The following TTC39C variants were observed in gnomAD, a reference collection of about 807,000 sequenced individuals.
TTC39C encodes tetratricopeptide repeat domain 39C.
In TTC39C, 33 loss-of-function variants were observed where a neutral mutation model predicts 76.3. That is an observed-to-expected ratio of 0.43 (90% CI 0.33 to 0.58). The LOEUF (loss-of-function observed/expected upper bound fraction) is 0.58, where lower values mean the gene tolerates loss of function less well. Among genes scored for constraint, TTC39C ranks in the 20% least tolerant of loss-of-function variants. TTC39C has a pLI of 0.04. For missense variants in TTC39C, 595 were observed against 701.4 expected, an observed-to-expected ratio of 0.85 and a Z score of 1.71; for synonymous variants, 254 against 260.6, an observed-to-expected ratio of 0.97 and a Z score of 0.24.
At chr18:24,105,451 A>C (rs1415185030) in intron 6 of TTC39C, among the ~76,000 whole-genome samples, 2 of 152,214 alleles carry the variant, frequency 1.3e-5, no homozygotes, top group Non-Finnish European at 2.9e-5. Context: ...GAGGGAAATA[A>C]ATGTATTATA....
Position 24,101,900 on chromosome 18 carries a change from C to G in TTC39C, c.985-12654C>G, listed in dbSNP as rs375834560. 2.6e-5 allele frequency among the ~76,000 whole-genome samples: 4 copies of G among 152,330 alleles called. No homozygotes were observed. The South Asian group carries it at 8.3e-4, about 32-fold the overall frequency. ...CATAAGCACATTTCTTTTAAACTTA[C>G]TGCTGTGTTTCACATACATTTTCCC... is the stretch of plus-strand genomic sequence containing the variant. On this transcript the variant is annotated intron_variant, in intron 6 of 13. Transcript: ENST00000317571.
intron 1 of TTC39C, among the ~76,000 whole-genome samples, chr18:24,007,440 G>A (rs1184862276): frequency 6.6e-6 from 1 of 152,218 alleles, no homozygotes; most frequent in Non-Finnish European, 1.5e-5. Context: ...CTGGAGTGCA[G>A]TGGCATGATC....
chr18:24,056,765 G>A (rs2084021487), intron 1 of TTC39C, among the ~76,000 whole-genome samples: 1 of 151,852 alleles, frequency 6.6e-6, no homozygotes, highest in Non-Finnish European at 1.5e-5. Flanking sequence ...TTTTAAAAAA[G>A]CAAATGCAGT....
At position 24,055,718 on chromosome 18, in the gene TTC39C, T is replaced by A. The variant is rs117580551; in HGVS notation, c.168-8422T>A. ...TTTTCACTCTGCTGATTATGTTCTG[T>A]GAGGCACAGAAGTTTTAAATTTTGA... On this transcript the variant is annotated intron_variant, in intron 1 of 13. Coordinates refer to ENST00000317571, the MANE Select transcript of TTC39C (RefSeq NM_001135993.2). Among the ~76,000 whole-genome samples, 751 of 152,310 alleles carry A rather than the reference T, an allele frequency of 4.9e-3. 4 individuals are homozygous for A. Among genetic ancestry groups the A allele is most frequent in the Non-Finnish European group, 7.4e-3 (504 of 68,028 alleles).
At chr18:23,995,719 AG>A (rs769558448) in intron 1 of TTC39C, among the ~76,000 whole-genome samples, 18 of 151,858 alleles carry the variant, frequency 1.2e-4, no homozygotes, top group South Asian at 6.2e-4. Context: ...AAAAAAAAAA[AG>A]TTAGCCGGGC....
intron 6 of TTC39C, among the ~76,000 whole-genome samples, chr18:24,107,307 A>ACG (rs1187070332): frequency 3.3e-5 from 5 of 151,660 alleles, no homozygotes; most frequent in East Asian, 2.0e-4. Context: ...ACACACACAC[A>ACG]CACGCACGCA....
At chr18:24,103,982 A>G (rs917242513) in intron 6 of TTC39C, among the ~76,000 whole-genome samples, 5 of 149,126 alleles carry the variant, frequency 3.4e-5, no homozygotes, top group African/African-American at 1.0e-4. Flanking sequence ...CCCAGGCTGG[A>G]GTGCAGTGGT....
rs762280517 is a variant in TTC39C, at chr18:24,132,550, T to C, written c.1728T>C (p.Ser576=). 1.2e-6 allele frequency: 2 copies of C among 1,613,950 alleles called. No homozygotes were observed. ...LHVRIHAALA[S]LRELVPQ Reference sequence around the variant, plus strand: ...TCCGCATCCATGCTGCTCTGGCCTCTCTGAGGGAATTGGTTCCTCAGTGAC... The same window carrying C: ...TCCGCATCCATGCTGCTCTGGCCTCCCTGAGGGAATTGGTTCCTCAGTGAC... Residue 576 remains serine, a synonymous_variant, in exon 14 of 14, where the codon TCT becomes TCC. Transcript: ENST00000317571.
At chr18:24,076,393 G>A (rs2084308318) in intron 4 of TTC39C, among the ~76,000 whole-genome samples, 2 of 152,150 alleles carry the variant, frequency 1.3e-5, no homozygotes, top group South Asian at 4.1e-4. Context: ...TGTGCAGGGT[G>A]TATGGCTCTT....
At chr18:24,125,130 G>C (rs994347905) in intron 9 of TTC39C, among the ~76,000 whole-genome samples, 5 of 152,226 alleles carry the variant, frequency 3.3e-5, no homozygotes, top group Non-Finnish European at 5.9e-5. Context: ...GACCTCAGGT[G>C]ATCTGCCTGC....
At chr18:24,061,736 G>A (rs2084103951) in intron 1 of TTC39C, among the ~76,000 whole-genome samples, 1 of 151,916 alleles carries the variant, frequency 6.6e-6, no homozygotes, top group Non-Finnish European at 1.5e-5. Flanking sequence ...AACCCCGTCT[G>A]TATTAAAAAT....
At position 24,019,095 on chromosome 18, in the gene TTC39C, A is replaced by C. The variant is rs367889556; in HGVS notation, c.167+4057A>C. On this transcript the variant is annotated intron_variant, in intron 1 of 13. Coordinates refer to ENST00000317571, the MANE Select transcript of TTC39C (RefSeq NM_001135993.2). ...TTTATGGCTTGACATATTACTTTTTAACAGAGGACTGGCAGTAATGAAGCA... is the reference window on the plus strand; with the variant it reads ...TTTATGGCTTGACATATTACTTTTTCACAGAGGACTGGCAGTAATGAAGCA... 6.5e-4 allele frequency among the ~76,000 whole-genome samples: 99 copies of C among 152,140 alleles called. 2 individuals are homozygous for C. In the South Asian group the frequency reaches 0.02, roughly 30 times the overall value.
chr18:24,027,152 CGTG>C (rs1568410270), intron 1 of TTC39C, among the ~76,000 whole-genome samples: 2 of 151,828 alleles, frequency 1.3e-5, no homozygotes, highest in African/African-American at 4.8e-5. Context: ...ATTAGCCGAG[CGTG>C]GTGGTGGGTG....
At chr18:24,049,666 C>T (rs1349569195) in intron 1 of TTC39C, among the ~76,000 whole-genome samples, 1 of 152,148 alleles carries the variant, frequency 6.6e-6, no homozygotes, top group Non-Finnish European at 1.5e-5. Flanking sequence ...ACCCTTTGGA[C>T]CTAGGCTAGA....
intron 6 of TTC39C, among the ~76,000 whole-genome samples, chr18:24,089,624 C>T (rs1173485143): frequency 6.6e-6 from 1 of 152,122 alleles, no homozygotes; most frequent in Non-Finnish European, 1.5e-5. Context: ...CCTTTTAACC[C>T]TACCTATCTG....
Position 24,022,685 on chromosome 18 carries a change from C to T in TTC39C, c.167+7647C>T, listed in dbSNP as rs958265922. The T allele has an allele frequency of 4.1e-6, 4 of 985,282 alleles. No individual in the cohort carries two copies. In the African/African-American group the frequency reaches 7.0e-5, roughly 17 times the overall value. The allele number at this position is 985,282 out of a possible 1,614,324, so 61.0% of individuals were successfully genotyped here. A position where few individuals can be genotyped will look rare whatever the true frequency, so the allele number is the denominator to read the frequency against. The stretch of plus-strand genomic sequence containing the variant: ...ATCTGTCTTCAGGGGAGATGTCACC[C>T]CAAGCTTTAGACGCTCTGTGGCTCC... On this transcript the variant is annotated intron_variant, in intron 1 of 13. Coordinates refer to ENST00000317571, the MANE Select transcript of TTC39C (RefSeq NM_001135993.2).
chr18:24,026,855 A>T (rs1327689168), intron 1 of TTC39C, among the ~76,000 whole-genome samples: 3 of 152,244 alleles, frequency 2.0e-5, no homozygotes, highest in Admixed American at 6.5e-5. Flanking sequence ...CATCAAAGAT[A>T]AACAGATTTG....
At chr18:24,075,254 C>A (rs192712008) in intron 4 of TTC39C, among the ~76,000 whole-genome samples, 3 of 151,538 alleles carry the variant, frequency 2.0e-5, no homozygotes, top group Admixed American at 1.3e-4. Flanking sequence ...ACATACGTAA[C>A]AAACCTGCAC....
chr18:24,052,753 A>G (rs1026763286), intron 1 of TTC39C, among the ~76,000 whole-genome samples: 1 of 152,320 alleles, frequency 6.6e-6, no homozygotes, highest in South Asian at 2.1e-4. Context: ...GAGCAGGCTC[A>G]GTGTCAGCTA....
Sources: allele counts gnomAD v4.1 joint callset (sites outside exome capture counted in the v4.1 genomes callset), GRCh38; gene constraint gnomAD v4.1.1; transcripts MANE v1.5; gene names NCBI Gene and HGNC (gene_info 2026-07-23, HGNC 2026-07-21).